NALF1: variants seen among roughly 807,000 people sequenced by gnomAD.
NALF1 encodes NALCN channel auxiliary factor 1, also known as family with sequence similarity 155 member A.
NALF1 carries 3 observed loss-of-function variants against 48.4 expected under a neutral mutation model. The observed-to-expected ratio is 0.06, with a 90% confidence interval of 0.03 to 0.16. The LOEUF (loss-of-function observed/expected upper bound fraction) is 0.16, where lower values mean the gene tolerates loss of function less well. NALF1 is among the 10% of genes least tolerant of loss of function. The probability of loss-of-function intolerance (pLI) is 1.00; values close to 1 mark genes in which losing one functional copy is unlikely to be tolerated. For synonymous variants in NALF1, 262 were observed against 245.7 expected, an observed-to-expected ratio of 1.07 and a Z score of -0.62; for missense variants, 526 against 571.5, an observed-to-expected ratio of 0.92 and a Z score of 0.81.
chr13:107,238,751 T>C (rs1487340361), intron 1 of NALF1, among the ~76,000 whole-genome samples: 5 of 152,138 alleles, frequency 3.3e-5, no homozygotes, highest in Non-Finnish European at 7.3e-5. Flanking sequence ...TTCTTGTAAA[T>C]TGCAGGGCAG....
intron 1 of NALF1, among the ~76,000 whole-genome samples, chr13:107,276,095 G>A (rs556138444): frequency 6.6e-6 from 1 of 152,148 alleles, no homozygotes; most frequent in South Asian, 2.1e-4. Context: ...ACTCTCCTAA[G>A]CTCACCAGCG....
intron 2 of NALF1, among the ~76,000 whole-genome samples, chr13:107,187,770 T>G (rs941968879): frequency 6.6e-6 from 1 of 152,308 alleles, no homozygotes; most frequent in Non-Finnish European, 1.5e-5. Flanking sequence ...ATGGGAAGAA[T>G]GGTTCCCATT....
At chr13:107,695,688 ACTCT>A (rs1306993383) in intron 1 of NALF1, among the ~76,000 whole-genome samples, 10 of 151,914 alleles carry the variant, frequency 6.6e-5, no homozygotes, top group East Asian at 3.9e-4. Flanking sequence ...CTAGATGAGA[ACTCT>A]CTCTATTATA....
At chr13:107,500,462 TG>T (rs1429614883) in intron 1 of NALF1, among the ~76,000 whole-genome samples, 2 of 151,536 alleles carry the variant, frequency 1.3e-5, no homozygotes, top group Non-Finnish European at 2.9e-5. Context: ...TAACAGGTGC[TG>T]GAGAGGATGT....
intron 1 of NALF1, among the ~76,000 whole-genome samples, chr13:107,333,659 A>G (rs1882508037): frequency 6.6e-6 from 1 of 152,240 alleles, no homozygotes; most frequent in African/African-American, 2.4e-5. Context: ...GGATCTGGAA[A>G]AAGACCAAAT....
rs59720340 is a variant in NALF1 at position 107,693,603 on chromosome 13, CTT to C, written c.915+172077_915+172078del. On this transcript the variant is annotated intron_variant, in intron 1 of 2. Coordinates refer to ENST00000375915, the MANE Select transcript of NALF1 (RefSeq NM_001080396.3). ...AAGGTTACTTTAGAAAGGCATTTTT[CTT>C]TTTTTTTTTTTCCTTTATAATGGTG... Among the ~76,000 whole-genome samples the C allele has an allele frequency of 3.5e-5, 5 of 142,560 alleles. No individual in the cohort carries two copies. In the East Asian group the frequency reaches 6.1e-4, roughly 17 times the overall value. The allele number at this position is 142,560 out of a possible 152,430, so 93.5% of individuals were successfully genotyped here.
intron 1 of NALF1, among the ~76,000 whole-genome samples, chr13:107,221,836 C>T (rs1424364418): frequency 6.6e-6 from 1 of 152,126 alleles, no homozygotes; most frequent in Non-Finnish European, 1.5e-5. Flanking sequence ...ACCAGTTATG[C>T]AGAGGTAAAT....
chr13:107,592,856 C>T (rs1051591387), intron 1 of NALF1, among the ~76,000 whole-genome samples: 1 of 151,852 alleles, frequency 6.6e-6, no homozygotes, highest in Non-Finnish European at 1.5e-5. Context: ...TCTCTGGATG[C>T]AAATCATCTG....
intron 1 of NALF1, among the ~76,000 whole-genome samples, chr13:107,482,064 A>G (rs566206697): frequency 2.5e-4 from 38 of 152,006 alleles, no homozygotes; most frequent in African/African-American, 8.7e-4. Flanking sequence ...CTGTGAAAGT[A>G]TTTTTTTTAA....
rs1365095305 is a variant in NALF1, at chr13:107,775,028, A to C, written c.915+90654T>G. Among the ~76,000 whole-genome samples, 3 of 152,306 alleles carry C rather than the reference A, an allele frequency of 2.0e-5. No homozygotes were observed. The East Asian group carries it at 5.8e-4, about 29-fold the overall frequency. On this transcript the variant is annotated intron_variant, in intron 1 of 2. Transcript: ENST00000375915. Reference sequence around the variant, plus strand: ...TATACTCTAAGCTAAACAACATTTTAGATGCTTTCACATTTTATTTCATGT... The same window carrying C: ...TATACTCTAAGCTAAACAACATTTTCGATGCTTTCACATTTTATTTCATGT...
At chr13:107,244,224 A>G (rs1880533286) in intron 1 of NALF1, among the ~76,000 whole-genome samples, 1 of 152,224 alleles carries the variant, frequency 6.6e-6, no homozygotes. Context: ...TTTATAAAAT[A>G]AATAGGAATT....
At chr13:107,596,759 A>C (rs1878765254) in intron 1 of NALF1, among the ~76,000 whole-genome samples, 1 of 152,166 alleles carries the variant, frequency 6.6e-6, no homozygotes, top group Non-Finnish European at 1.5e-5. Context: ...ACCATATGGA[A>C]CATGTATACA....
intron 1 of NALF1, among the ~76,000 whole-genome samples, chr13:107,673,966 A>G (rs1442595112): frequency 6.6e-6 from 1 of 152,144 alleles, no homozygotes; most frequent in Non-Finnish European, 1.5e-5. Context: ...CCGGCTCCAC[A>G]TGAGCTGGGC....
chr13:107,601,425 T>G (rs1194081343), intron 1 of NALF1, among the ~76,000 whole-genome samples: 1 of 152,210 alleles, frequency 6.6e-6, no homozygotes, highest in Non-Finnish European at 1.5e-5. Flanking sequence ...TGTATCCAAC[T>G]TTCCTATCAA....
At chr13:107,251,553 C>T (rs1241948161) in intron 1 of NALF1, among the ~76,000 whole-genome samples, 3 of 152,180 alleles carry the variant, frequency 2.0e-5, no homozygotes, top group African/African-American at 7.2e-5. Flanking sequence ...CAGGCTGAAG[C>T]CTCGGAGACG....
chr13:107,450,760 C>T (rs1884727546), intron 1 of NALF1, among the ~76,000 whole-genome samples: 1 of 152,136 alleles, frequency 6.6e-6, no homozygotes. Context: ...TTATTGCCAA[C>T]CTCATTAGAC....
intron 1 of NALF1, among the ~76,000 whole-genome samples, chr13:107,711,229 CAA>C (rs1398336889): frequency 2.0e-5 from 3 of 152,160 alleles, no homozygotes; most frequent in African/African-American, 7.2e-5. Flanking sequence ...CCACACGTGC[CAA>C]AAGAGTGCCC....
chr13:107,830,446 T>C (rs1175060703), intron 1 of NALF1, among the ~76,000 whole-genome samples: 1 of 152,178 alleles, frequency 6.6e-6, no homozygotes. Flanking sequence ...CTGCCAACAC[T>C]TGCTATTTTT....
At chr13:107,764,372 T>C (rs1486560607) in intron 1 of NALF1, among the ~76,000 whole-genome samples, 1 of 152,204 alleles carries the variant, frequency 6.6e-6, no homozygotes. Flanking sequence ...ACATATGTTG[T>C]ATGTGTATAT....
Sources: allele counts gnomAD v4.1 joint callset (sites outside exome capture counted in the v4.1 genomes callset), GRCh38; gene constraint gnomAD v4.1.1; transcripts MANE v1.5; gene names NCBI Gene and HGNC (gene_info 2026-07-23, HGNC 2026-07-21).